PARD3: variants seen among roughly 807,000 people sequenced by gnomAD.
PARD3 encodes the protein par-3 family cell polarity regulator.
A neutral mutation model predicts 155.4 loss-of-function variants in PARD3; 75 were observed. The ratio of observed to expected loss-of-function variants is 0.48; its 90% CI spans 0.40 to 0.58. PARD3 has a LOEUF of 0.58. Ranked by LOEUF, PARD3 falls within the 20% of genes least tolerant of loss-of-function variation. PARD3 has a pLI of 0.00. For missense variants in PARD3, 1,642 were observed against 1,721.7 expected (o/e 0.95, Z 0.82); for synonymous variants, 576 against 610.5 (o/e 0.94, Z 0.83).
chr10:34,797,844 A>G (rs1470670953), intron 1 of PARD3, among the ~76,000 whole-genome samples: 1 of 152,226 alleles, frequency 6.6e-6, no homozygotes, highest in Non-Finnish European at 1.5e-5. Flanking sequence ...CATCATTTAG[A>G]GTCAACAGCT....
At chr10:34,293,725 T>C (rs1956778254) in intron 20 of PARD3, among the ~76,000 whole-genome samples, 1 of 152,182 alleles carries the variant, frequency 6.6e-6, no homozygotes, top group Admixed American at 6.5e-5. Context: ...AAGGAGTGAT[T>C]ATGAAAAATA....
At chr10:34,247,751 T>C (rs1017448492) in intron 22 of PARD3, among the ~76,000 whole-genome samples, 5 of 152,212 alleles carry the variant, frequency 3.3e-5, no homozygotes, top group Non-Finnish European at 5.9e-5. Context: ...CATTGTTTCA[T>C]TGCTAGACAC....
chr10:34,774,823 A>C (rs553690396), intron 1 of PARD3, among the ~76,000 whole-genome samples: 1 of 152,324 alleles, frequency 6.6e-6, no homozygotes, highest in African/African-American at 2.4e-5. Flanking sequence ...AGAATACTGA[A>C]CTGAAATCAT....
intron 5 of PARD3, among the ~76,000 whole-genome samples, chr10:34,441,687 T>C (rs1338289839): frequency 2.0e-5 from 3 of 152,196 alleles, no homozygotes; most frequent in African/African-American, 7.2e-5. Flanking sequence ...GCTTCCACTG[T>C]GGTTTCTAGT....
chr10:34,526,664 C>A (rs906367915), intron 2 of PARD3, among the ~76,000 whole-genome samples: 1 of 152,132 alleles, frequency 6.6e-6, no homozygotes, highest in African/African-American at 2.4e-5. Flanking sequence ...GGTGGGGAGC[C>A]CTTGTCTCCA....
intron 7 of PARD3, among the ~76,000 whole-genome samples, chr10:34,386,691 G>A (rs756259177): frequency 7.9e-5 from 12 of 151,802 alleles, no homozygotes; most frequent in Admixed American, 3.3e-4. Context: ...GCATGGTGGC[G>A]GGCACCTGTA....
At chr10:34,460,991 A>G (rs2077615162) in intron 4 of PARD3, among the ~76,000 whole-genome samples, 1 of 152,230 alleles carries the variant, frequency 6.6e-6, no homozygotes, top group Non-Finnish European at 1.5e-5. Flanking sequence ...ATCATTAGTG[A>G]AAATATTAAA....
At chr10:34,660,937 C>G (rs900438149) in intron 2 of PARD3, among the ~76,000 whole-genome samples, 3 of 151,900 alleles carry the variant, frequency 2.0e-5, no homozygotes, top group Admixed American at 6.6e-5. Context: ...CCCTAATACT[C>G]AATACTACCA....
chr10:34,152,154 C>T (rs997134530), intron 22 of PARD3, among the ~76,000 whole-genome samples: 13 of 152,030 alleles, frequency 8.6e-5, no homozygotes, highest in African/African-American at 3.1e-4. Flanking sequence ...TGTGATTTTT[C>T]ACAAGATCTT....
intron 2 of PARD3, among the ~76,000 whole-genome samples, chr10:34,611,807 CTTTTTT>C (rs397829689): frequency 9.2e-6 from 1 of 109,232 alleles, no homozygotes; most frequent in Non-Finnish European, 1.8e-5. Flanking sequence ...ACATTTCTTT[CTTTTTT>C]TTTTTTTTTT....
chr10:34,378,362 T>G (rs991034617), intron 9 of PARD3, among the ~76,000 whole-genome samples: 5 of 152,222 alleles, frequency 3.3e-5, no homozygotes, highest in African/African-American at 1.2e-4. Flanking sequence ...AAAGTTAATA[T>G]GTAAATATGA....
At chr10:34,693,636 G>C (rs929637312) in intron 2 of PARD3, among the ~76,000 whole-genome samples, 8 of 152,286 alleles carry the variant, frequency 5.3e-5, no homozygotes, top group African/African-American at 1.9e-4. Context: ...TGACTAATCT[G>C]TATGCCAAAC....
intron 12 of PARD3, among the ~76,000 whole-genome samples, chr10:34,368,581 A>G (rs990115836): frequency 6.6e-6 from 1 of 152,078 alleles, no homozygotes; most frequent in African/African-American, 2.4e-5. Flanking sequence ...CTGAGGCAGG[A>G]GAATAGTGTG....
intron 3 of PARD3, among the ~76,000 whole-genome samples, chr10:34,482,319 A>AT (rs2079136747): frequency 1.3e-5 from 2 of 151,998 alleles, no homozygotes; most frequent in South Asian, 4.2e-4. Context: ...GGCATGAGTC[A>AT]TCATGCCCGA....
At chr10:34,342,443 T>C (rs945781796) in intron 15 of PARD3, among the ~76,000 whole-genome samples, 4 of 152,342 alleles carry the variant, frequency 2.6e-5, no homozygotes, top group African/African-American at 9.6e-5. Flanking sequence ...CAATATGATC[T>C]TTTCTGCCAG....
intron 20 of PARD3, among the ~76,000 whole-genome samples, chr10:34,306,462 C>T (rs1259184811): frequency 1.3e-5 from 2 of 151,750 alleles, no homozygotes; most frequent in South Asian, 2.1e-4. Context: ...CCAGCCTGAC[C>T]AACATGGTGA....
Position 34,347,989 on chromosome 10 carries a change from T to C in PARD3, c.2194A>G (p.Asn732Asp). Residue 732 changes from asparagine (N) to aspartate (D), a missense_variant, in exon 15 of 25, where the codon AAT becomes GAT. Asn to Asp is a conservative substitution (Grantham distance 23). Coordinates refer to ENST00000374788, the MANE Select transcript of PARD3 (RefSeq NM_001184785.2). ...CCCATTATCCTACTGAGGGCAGCAT[T>C]TCTGCTGGGCGATTCATCAAGCCCC... is the stretch of plus-strand genomic sequence containing the variant. ...IEGLDESPSRNAALSRIMGKY... is the reference protein window; with the variant it reads ...IEGLDESPSRDAALSRIMGKY... 6.2e-7 allele frequency: 1 copy of C among 1,613,206 alleles called. No homozygotes were observed. Among genetic ancestry groups the C allele is most frequent in the Non-Finnish European group, 8.5e-7 (1 of 1,179,584 alleles).
chr10:34,591,178 A>T (rs1353222367), intron 2 of PARD3, among the ~76,000 whole-genome samples: 1 of 151,144 alleles, frequency 6.6e-6, no homozygotes, highest in Non-Finnish European at 1.5e-5. Flanking sequence ...TCGTTCATCC[A>T]CCTCTGGTAA....
chr10:34,710,967 G>C (rs2094441774), intron 1 of PARD3, among the ~76,000 whole-genome samples: 1 of 152,076 alleles, frequency 6.6e-6, no homozygotes, highest in African/African-American at 2.4e-5. Flanking sequence ...CTCGATGCCA[G>C]GAATTCAAGA....
Sources: gnomAD v4.1 joint callset for allele counts (sites outside exome capture counted in the v4.1 genomes callset) on GRCh38, gnomAD v4.1.1 for gene constraint, MANE v1.5 for transcripts, NCBI Gene and HGNC (gene_info 2026-07-23, HGNC 2026-07-21) for gene names.